The following MELTF variants were observed in gnomAD, a reference collection of about 807,000 sequenced individuals.
MELTF encodes antigen p97 (melanoma associated) identified by monoclonal antibodies 133.2 and 96.5.
A neutral mutation model predicts 83.7 loss-of-function variants in MELTF; 67 were observed. The ratio of observed to expected loss-of-function variants is 0.80; its 90% CI spans 0.66 to 0.98. MELTF has a LOEUF of 0.98. Ranked by LOEUF, MELTF falls within the 50% of genes least tolerant of loss-of-function variation. The pLI, the probability that MELTF is intolerant of heterozygous loss-of-function variation, is 0.00. For synonymous variants in MELTF, 462 were observed against 447.6 expected (o/e 1.03, Z -0.41); for missense variants, 1,002 against 1,035.6 (o/e 0.97, Z 0.44).
Position 197,006,710 on chromosome 3 carries a change from C to T in MELTF, c.1777G>A (p.Glu593Lys). The T allele has an allele frequency of 1.3e-6, 2 of 1,551,934 alleles. No individual in the cohort carries two copies. The highest frequency in any genetic ancestry group is 1.7e-6 in the Non-Finnish European group (2 of 1,151,264). The change falls in exon 14 of 16, where the codon GAG becomes AAG. Residue 593 changes from glutamate (E) to lysine (K), a missense_variant. Physicochemically the swap from Glu to Lys is moderately conservative, Grantham distance 56. Transcript: ENST00000296350. The surrounding 1 kb of genome is among the most constrained non-coding windows in gnomAD (Gnocchi z 5.4). ...AGTTCATAGTCCTCTGACCTGAGCT[C>T]AGCAGCCCAGGGCTCGGAATTGTGG... ...NGHNSEPWAAELRSEDYELLC... is the reference protein window; with the variant it reads ...NGHNSEPWAAKLRSEDYELLC...
Position 197,024,164 on chromosome 3 carries a change from C to A in MELTF, c.487+139G>T. On this transcript the variant is annotated intron_variant, in intron 4 of 15. Coordinates refer to ENST00000296350, the MANE Select transcript of MELTF (RefSeq NM_005929.6). This position sits in a 1 kb window ranked among gnomAD's most constrained non-coding sequence, Gnocchi z 5.3. Reference sequence around the variant, plus strand: ...GAGTGGAGGCGGGGGAGGCACGGGGCGGGCGGGGGCTGCTGCGCCTTCCAG... The same window carrying A: ...GAGTGGAGGCGGGGGAGGCACGGGGAGGGCGGGGGCTGCTGCGCCTTCCAG... 6 of 611,584 alleles carry A rather than the reference C, an allele frequency of 9.8e-6. No homozygotes were observed. The highest frequency in any genetic ancestry group is 1.3e-5 in the Non-Finnish European group (6 of 459,206). The allele number at this position is 611,584 out of a possible 1,614,324, so 37.9% of individuals were successfully genotyped here.
chr3:197,004,922 T>C (rs1718922743), intron 14 of MELTF, among the ~76,000 whole-genome samples: 1 of 152,134 alleles, frequency 6.6e-6, no homozygotes, highest in Admixed American at 6.5e-5. Flanking sequence ...TTCAGAGGAC[T>C]TAGCAACCCC....
chr3:197,005,499 A>C (rs1718942135), intron 14 of MELTF, among the ~76,000 whole-genome samples: 1 of 152,338 alleles, frequency 6.6e-6, no homozygotes, highest in East Asian at 1.9e-4. Flanking sequence ...ATCAAGGGTA[A>C]GCTGTAGACA....
rs1159801190 is a variant in MELTF, at chr3:197,027,928, T to C, written c.50-18A>G. 1 of 1,552,754 alleles carries C rather than the reference T, an allele frequency of 6.4e-7. No individual in the cohort carries two copies. Among genetic ancestry groups the C allele is most frequent in the Admixed American group, 1.8e-5 (1 of 56,432 alleles). ...ACCGAGCACTGCGGGCAGGGGACCG[T>C]GAGGCCCGGCTCCCCCGCCCTGCCC... On this transcript the variant is annotated intron_variant, in intron 1 of 15. Transcript: ENST00000296350.
In MELTF at chr3:197,017,162, C is replaced by T. The variant is rs779453844; in HGVS notation, c.841G>A (p.Val281Met). The T allele has an allele frequency of 1.7e-5, 27 of 1,611,256 alleles. No individual in the cohort carries two copies. Among genetic ancestry groups the T allele is most frequent in the South Asian group, 3.3e-5 (3 of 90,220 alleles). ...CCATCTGTGTCGGCCCGGACCACCA[C>T]GGCGTGAGCAGGCACCCGGGCCAGA... ...CHLARVPAHA[V>M]VVRADTDGGL... Residue 281 changes from valine (V) to methionine (M), a missense_variant, in exon 7 of 16, where the codon GTG becomes ATG. Physicochemically the swap from Val to Met is conservative, Grantham distance 21. Coordinates refer to ENST00000296350, the MANE Select transcript of MELTF (RefSeq NM_005929.6).
chr3:197,017,141 C>G lies in MELTF; in HGVS notation c.862G>C (p.Asp288His). Residue 288 changes from aspartate (D) to histidine (H), a missense_variant, in exon 7 of 16, where the codon GAT becomes CAT. Physicochemically the swap from Asp to His is moderately conservative, Grantham distance 81. Transcript: ENST00000296350. ...AHAVVVRADT[D>H]GGLIFRLLNE... ...AGCAGCCGGAAGATGAGGCCCCCATCTGTGTCGGCCCGGACCACCACGGCG... is the reference window on the plus strand; with the variant it reads ...AGCAGCCGGAAGATGAGGCCCCCATGTGTGTCGGCCCGGACCACCACGGCG... 6.2e-7 allele frequency: 1 copy of G among 1,612,308 alleles called. No homozygotes were observed. The highest frequency in any genetic ancestry group is 8.5e-7 in the Non-Finnish European group (1 of 1,179,690).
chr3:197,015,372 C>A lies in MELTF; in HGVS notation c.1226G>T (p.Arg409Leu). Residue 409 changes from arginine (R) to leucine (L), a missense_variant, in exon 9 of 16, where the codon CGG becomes CTG. Arg to Leu is a moderately radical substitution (Grantham distance 102, BLOSUM62 -2). Transcript: ENST00000296350. ...SAKSPQHCME[R>L]IQAEQVDAVT... is the part of the protein sequence containing the mutation. ...CACCTGCGTGACTCCCACCTGGATCCGCTCCATGCAGTGTTGGGGGGACTT... is the reference window on the plus strand; with the variant it reads ...CACCTGCGTGACTCCCACCTGGATCAGCTCCATGCAGTGTTGGGGGGACTT... 1 of 1,561,478 alleles carries A rather than the reference C, an allele frequency of 6.4e-7. No homozygotes were observed. The highest frequency in any genetic ancestry group is 8.7e-7 in the Non-Finnish European group (1 of 1,152,848).
rs575920280 is a variant in MELTF at position 197,017,197 on chromosome 3, C to T, written c.806G>A (p.Arg269Lys). The part of the protein sequence containing the change: ...DGSRADVTEW[R>K]QCHLARVPAH... ...AGGCACCCGGGCCAGATGGCACTGCCTCCACTCGGTGACATCGGCCCGGCT... is the reference window on the plus strand; with the variant it reads ...AGGCACCCGGGCCAGATGGCACTGCTTCCACTCGGTGACATCGGCCCGGCT... Residue 269 changes from arginine (R) to lysine (K), a missense_variant, in exon 7 of 16, where the codon AGG becomes AAG. Coordinates refer to ENST00000296350, the MANE Select transcript of MELTF (RefSeq NM_005929.6). The T allele has an allele frequency of 1.2e-6, 2 of 1,604,520 alleles. No homozygotes were observed. Among genetic ancestry groups the T allele is most frequent in the Admixed American group, 3.4e-5 (2 of 58,430 alleles).
At position 197,007,901 on chromosome 3, in the gene MELTF, G is replaced by A. The variant is rs925856801; in HGVS notation, c.1750+756C>T. ...GTCTATAGGAGGAGACATGTTGGGA[G>A]CGAGTGGAGAAGACTGGGCCTCCAG... On this transcript the variant is annotated intron_variant, in intron 13 of 15. Transcript: ENST00000296350. This position sits in a 1 kb window ranked among gnomAD's most constrained non-coding sequence, Gnocchi z 4.3. Among the ~76,000 whole-genome samples the A allele has an allele frequency of 6.6e-6, 1 of 152,228 alleles. No individual in the cohort carries two copies. The highest frequency in any genetic ancestry group is 1.5e-5 in the Non-Finnish European group (1 of 68,040).
At chr3:197,019,545 C>G (rs930769409) in intron 6 of MELTF, 1 of 1,555,774 alleles carries the variant, frequency 6.4e-7, no homozygotes, top group African/African-American at 1.4e-5. Context: ...TGAGACCAGC[C>G]TGGGCAACAT....
intron 6 of MELTF, among the ~76,000 whole-genome samples, chr3:197,018,704 C>T (rs1341562747): frequency 1.3e-5 from 2 of 152,214 alleles, no homozygotes; most frequent in Non-Finnish European, 2.9e-5. Context: ...CTCGGCCTCC[C>T]AAAGTGCTGG....
At chr3:197,010,298 C>T (rs1411921763) in intron 10 of MELTF, among the ~76,000 whole-genome samples, 1 of 152,234 alleles carries the variant, frequency 6.6e-6, no homozygotes, top group Non-Finnish European at 1.5e-5. Flanking sequence ...TCTGAAGGGC[C>T]ACTTTCCATG....
At position 197,003,393 on chromosome 3, in the gene MELTF, G is replaced by T. The variant is rs1193943983; in HGVS notation, c.2196C>A (p.Arg732=). Residue 732 remains arginine, a synonymous_variant, in exon 16 of 16, where the codon CGC becomes CGA. Transcript: ENST00000296350. This position sits in a 1 kb window ranked among gnomAD's most constrained non-coding sequence, Gnocchi z 6.2. ...GGGCTCAGAGGGCGGGCGGGAGCAG[G>T]CGGGCGGCGAGGGCGGGCAGCAGCA... ...LPLLLPALAA[R]LLPPAL is the part of the protein sequence containing the mutation. The T allele has an allele frequency of 5.5e-6, 6 of 1,093,050 alleles. No homozygotes were observed. Among genetic ancestry groups the T allele is most frequent in the Non-Finnish European group, 6.7e-6 (6 of 899,956 alleles). The allele number at this position is 1,093,050 out of a possible 1,614,324, so 67.7% of individuals were successfully genotyped here. A position where few individuals can be genotyped will look rare whatever the true frequency, so the allele number is the denominator to read the frequency against.
At chr3:197,017,323 C>A (rs1719420475) in intron 6 of MELTF, 33 bp from the exon 7 acceptor site, 1 of 1,491,744 alleles carries the variant, frequency 6.7e-7, no homozygotes. Flanking sequence ...TGAGCCAGCT[C>A]CGAAAGGGGT....
At position 197,027,849 on chromosome 3, in the gene MELTF, G is replaced by C. The variant is rs779982027; in HGVS notation, c.111C>G (p.Gly37=). 11 of 1,611,044 alleles carry C rather than the reference G, an allele frequency of 6.8e-6. No individual in the cohort carries two copies. Among genetic ancestry groups the C allele is most frequent in the African/African-American group, 1.3e-5 (1 of 74,906 alleles). Residue 37 remains glycine, a synonymous_variant, in exon 2 of 16, where the codon GGC becomes GGG. Coordinates refer to ENST00000296350, the MANE Select transcript of MELTF (RefSeq NM_005929.6). ...CTTCCCGGAAGGCCTCGCTCATGTT[G>C]CCGCACTTGTGCTGCTCTGGGTCCG... The part of the protein sequence containing the change: ...ATSDPEQHKC[G]NMSEAFREAG...
intron 6 of MELTF, among the ~76,000 whole-genome samples, chr3:197,020,252 C>T (rs1023781351): frequency 4.6e-5 from 7 of 152,062 alleles, no homozygotes; most frequent in East Asian, 1.9e-4. Flanking sequence ...AAACCCCATG[C>T]GTGGTAAGAG....
chr3:197,005,273 TG>T (rs1471570667), intron 14 of MELTF, among the ~76,000 whole-genome samples: 2 of 152,010 alleles, frequency 1.3e-5, no homozygotes, highest in Non-Finnish European at 2.9e-5. Flanking sequence ...CCCGAGGAAA[TG>T]GAAAAGCTAA....
chr3:197,004,786 C>G (rs912786834), intron 14 of MELTF: 3 of 152,288 alleles, frequency 2.0e-5, no homozygotes, highest in African/African-American at 4.8e-5. Flanking sequence ...CAAGGAGGAA[C>G]GAAGGAGTCA....
chr3:197,022,937 C>T lies in MELTF; in HGVS notation c.644+20G>A, dbSNP rs1481355561. The T allele has an allele frequency of 1.3e-6, 2 of 1,595,168 alleles. No individual in the cohort carries two copies. The highest frequency in any genetic ancestry group is 1.7e-6 in the Non-Finnish European group (2 of 1,171,788). ...AGCTCCTCCCTGCCCTCGGCCCCTC[C>T]CTGCCCCCACTCCGCTCACCGGAAG... is the stretch of plus-strand genomic sequence containing the variant. On this transcript the variant is annotated intron_variant, in intron 5 of 15. Coordinates refer to ENST00000296350, the MANE Select transcript of MELTF (RefSeq NM_005929.6). The surrounding 1 kb of genome is among the most constrained non-coding windows in gnomAD (Gnocchi z 5.1).
Sources: allele counts gnomAD v4.1 joint callset (sites outside exome capture counted in the v4.1 genomes callset), GRCh38; gene constraint gnomAD v4.1.1; non-coding constraint Gnocchi (gnomAD v3.1); transcripts MANE v1.5; gene names NCBI Gene and HGNC (gene_info 2026-07-23, HGNC 2026-07-21).